Variants in BMPER observed in about 807,000 individuals in gnomAD.
BMPER encodes the protein BMP binding endothelial regulator.
In BMPER, 45 loss-of-function variants were observed where a neutral mutation model predicts 87.3. That is an observed-to-expected ratio of 0.52 (90% CI 0.41 to 0.66). The LOEUF (loss-of-function observed/expected upper bound fraction) is 0.66. Among genes scored for constraint, BMPER ranks in the 30% least tolerant of loss-of-function variants. The pLI is 0.00. For missense variants in BMPER, 784 were observed against 867.5 expected (o/e 0.90, Z 1.21); for synonymous variants, 326 against 316.2 (o/e 1.03, Z -0.33).
chr7:34,090,967 T>C (rs1789363494), intron 13 of BMPER, among the ~76,000 whole-genome samples: 1 of 152,224 alleles, frequency 6.6e-6, no homozygotes, highest in Non-Finnish European at 1.5e-5. Flanking sequence ...CAGTGGATTT[T>C]ACAGCTGTAA....
chr7:33,928,770 T>A (rs1476099700), intron 2 of BMPER, among the ~76,000 whole-genome samples: 1 of 150,878 alleles, frequency 6.6e-6, no homozygotes, highest in African/African-American at 2.4e-5. Flanking sequence ...CAGAAGGGCC[T>A]CCTTATTAAT....
chr7:33,922,941 G>A (rs1246148497), intron 2 of BMPER, among the ~76,000 whole-genome samples: 2 of 152,184 alleles, frequency 1.3e-5, no homozygotes, highest in Non-Finnish European at 2.9e-5. Flanking sequence ...AGTACAGAGA[G>A]GAGTACTAAT....
At chr7:33,930,085 C>T (rs1353829801) in intron 2 of BMPER, among the ~76,000 whole-genome samples, 2 of 152,220 alleles carry the variant, frequency 1.3e-5, no homozygotes, top group Non-Finnish European at 2.9e-5. Context: ...TTGGACTAAA[C>T]TCAGTTGGGA....
chr7:34,079,672 T>A (rs1788962070), intron 12 of BMPER, among the ~76,000 whole-genome samples: 2 of 152,198 alleles, frequency 1.3e-5, no homozygotes, highest in South Asian at 4.1e-4. Flanking sequence ...AGTAAACAGC[T>A]TAGTATCAGT....
chr7:33,988,695 A>G (rs1044673547), intron 6 of BMPER, among the ~76,000 whole-genome samples: 5 of 151,718 alleles, frequency 3.3e-5, no homozygotes, highest in Non-Finnish European at 5.9e-5. Flanking sequence ...TACATGTGCC[A>G]TGCTGGTGCG....
chr7:34,008,817 CT>C (rs1371747280), intron 6 of BMPER, among the ~76,000 whole-genome samples: 3 of 151,566 alleles, frequency 2.0e-5, no homozygotes, highest in African/African-American at 4.8e-5. Context: ...GCCCTACTTT[CT>C]TTTTTTTGTT....
intron 13 of BMPER, among the ~76,000 whole-genome samples, chr7:34,100,008 G>C (rs1361615889): frequency 6.6e-6 from 1 of 151,952 alleles, no homozygotes; most frequent in Non-Finnish European, 1.5e-5. Context: ...CTGGGGTGCA[G>C]GTCAGTGGAC....
intron 13 of BMPER, among the ~76,000 whole-genome samples, chr7:34,143,029 G>A (rs1790913196): frequency 6.6e-6 from 1 of 152,256 alleles, no homozygotes; most frequent in East Asian, 1.9e-4. Flanking sequence ...TAGAGGAAAG[G>A]AAATCTAATA....
At chr7:34,025,035 C>T (rs1467477300) in intron 6 of BMPER, among the ~76,000 whole-genome samples, 6 of 151,924 alleles carry the variant, frequency 3.9e-5, no homozygotes, top group Non-Finnish European at 8.8e-5. Flanking sequence ...AACTTGTAAG[C>T]AATGATTCAG....
chr7:34,144,302 G>A (rs1790961084), intron 14 of BMPER, among the ~76,000 whole-genome samples: 1 of 151,826 alleles, frequency 6.6e-6, no homozygotes, highest in East Asian at 1.9e-4. Flanking sequence ...GGGCGCAAGA[G>A]GAAGGTGGAG....
intron 6 of BMPER, among the ~76,000 whole-genome samples, chr7:34,010,011 G>GTGTC: frequency 6.6e-6 from 1 of 151,954 alleles, no homozygotes; most frequent in East Asian, 1.9e-4. Flanking sequence ...CCTTATGCTG[G>GTGTC]TGTCAGTGGG....
chr7:34,039,099 C>A (rs1472171696), intron 6 of BMPER, among the ~76,000 whole-genome samples: 2 of 152,218 alleles, frequency 1.3e-5, no homozygotes, highest in African/African-American at 4.8e-5. Context: ...CTGTTCTTCT[C>A]TCACTGAGAA....
chr7:34,054,760 A>G (rs529629197), intron 8 of BMPER, among the ~76,000 whole-genome samples: 2 of 152,332 alleles, frequency 1.3e-5, no homozygotes, highest in African/African-American at 4.8e-5. Context: ...TTAAGTTCCA[A>G]AAGGTGGCAT....
At chr7:34,126,503 T>C (rs1339043240) in intron 13 of BMPER, among the ~76,000 whole-genome samples, 1 of 152,238 alleles carries the variant, frequency 6.6e-6, no homozygotes, top group Non-Finnish European at 1.5e-5. Flanking sequence ...CCCTACACAT[T>C]ATTATAAGAA....
intron 13 of BMPER, among the ~76,000 whole-genome samples, chr7:34,099,107 T>G (rs191625589): frequency 1.3e-5 from 2 of 152,164 alleles, no homozygotes; most frequent in Non-Finnish European, 2.9e-5. Context: ...TTTTGAGTGC[T>G]CACTATGTGC....
At chr7:33,986,694 G>A (rs1786020276) in intron 6 of BMPER, among the ~76,000 whole-genome samples, 1 of 152,126 alleles carries the variant, frequency 6.6e-6, no homozygotes, top group South Asian at 2.1e-4. Flanking sequence ...GGGACAGCAA[G>A]TCTAAGAATG....
chr7:34,136,043 C>A (rs1288758626), intron 13 of BMPER, among the ~76,000 whole-genome samples: 2 of 152,216 alleles, frequency 1.3e-5, no homozygotes, highest in South Asian at 4.1e-4. Context: ...TCTGTCCTGG[C>A]AACCCCAGGC....
At chr7:34,055,572 C>T (rs1346828730) in intron 9 of BMPER, among the ~76,000 whole-genome samples, 1 of 152,128 alleles carries the variant, frequency 6.6e-6, no homozygotes, top group East Asian at 1.9e-4. Flanking sequence ...GCCTGTAAAA[C>T]CTGCCTGAAT....
chr7:34,089,229 A>G (rs1334685385), intron 13 of BMPER, among the ~76,000 whole-genome samples: 1 of 152,192 alleles, frequency 6.6e-6, no homozygotes, highest in Non-Finnish European at 1.5e-5. Context: ...CTTTAAGGAC[A>G]AAGAATGAAG....
Sources: allele counts gnomAD v4.1 joint callset (sites outside exome capture counted in the v4.1 genomes callset), GRCh38; gene constraint gnomAD v4.1.1; transcripts MANE v1.5; gene names NCBI Gene and HGNC (gene_info 2026-07-23, HGNC 2026-07-21).